Variants in MAPK10 observed in about 807,000 individuals in gnomAD.
The protein encoded by MAPK10 is JNK3 alpha protein kinase.
Under a neutral mutation model 59.3 loss-of-function variants are expected in MAPK10, and 25 were observed. That is an observed-to-expected ratio of 0.42 (90% CI 0.31 to 0.59). The LOEUF (loss-of-function observed/expected upper bound fraction) is 0.59. Ranked by LOEUF, MAPK10 falls within the 20% of genes least tolerant of loss-of-function variation. The pLI is 0.15. For missense variants in MAPK10, 351 were observed against 568.9 expected, an observed-to-expected ratio of 0.62 and a Z score of 3.90; for synonymous variants, 190 against 200.5, an observed-to-expected ratio of 0.95 and a Z score of 0.44.
chr4:86,312,334 C>A (rs901068219), intron 2 of MAPK10, among the ~76,000 whole-genome samples: 1 of 152,070 alleles, frequency 6.6e-6, no homozygotes, highest in Admixed American at 6.6e-5. Context: ...TTCTTGGACT[C>A]TATATACCAT....
chr4:86,540,859 T>C (rs1758632213), intron 1 of MAPK10, among the ~76,000 whole-genome samples: 1 of 151,874 alleles, frequency 6.6e-6, no homozygotes, highest in African/African-American at 2.4e-5. Context: ...TCCCAGCACT[T>C]TGCGAGGCTG....
chr4:86,496,915 T>G (rs1754914818), intron 1 of MAPK10, among the ~76,000 whole-genome samples: 2 of 152,168 alleles, frequency 1.3e-5, no homozygotes, highest in Non-Finnish European at 2.9e-5. Flanking sequence ...TGCAAATAAT[T>G]AGCTAAAATG....
chr4:86,184,068 A>C (rs1219998210), intron 3 of MAPK10, among the ~76,000 whole-genome samples: 2 of 151,994 alleles, frequency 1.3e-5, no homozygotes, highest in Non-Finnish European at 2.9e-5. Context: ...AGATTGCAAA[A>C]ATTTTCTCCC....
At chr4:86,173,672 CTA>C (rs201948652) in intron 3 of MAPK10, among the ~76,000 whole-genome samples, 2,932 of 152,154 alleles carry the variant, frequency 0.019, 45 homozygotes, top group South Asian at 0.065. Context: ...GCAAAAGAAA[CTA>C]TCATCAAAAT....
At chr4:86,345,948 C>G in intron 2 of MAPK10, among the ~76,000 whole-genome samples, 1 of 152,188 alleles carries the variant, frequency 6.6e-6, no homozygotes, top group East Asian at 1.9e-4. Context: ...CATAACATTT[C>G]TGTTTGAATA....
At chr4:86,328,099 T>C (rs982453604) in intron 2 of MAPK10, among the ~76,000 whole-genome samples, 2 of 152,210 alleles carry the variant, frequency 1.3e-5, no homozygotes, top group Non-Finnish European at 2.9e-5. Flanking sequence ...GAGGACTCTT[T>C]CCTCATGAAG....
At chr4:86,537,549 T>C (rs967047004) in intron 1 of MAPK10, among the ~76,000 whole-genome samples, 5 of 152,180 alleles carry the variant, frequency 3.3e-5, no homozygotes, top group African/African-American at 1.2e-4. Context: ...CAAATGAGCA[T>C]GAAAAATCTG....
chr4:86,084,304 A>G (rs2051295147), intron 9 of MAPK10, among the ~76,000 whole-genome samples: 1 of 152,230 alleles, frequency 6.6e-6, no homozygotes, highest in Non-Finnish European at 1.5e-5. Flanking sequence ...CTTGGAAAAG[A>G]AGAAGTCAAG....
chr4:86,547,906 T>C (rs1759371025), intron 1 of MAPK10, among the ~76,000 whole-genome samples: 1 of 152,146 alleles, frequency 6.6e-6, no homozygotes, highest in African/African-American at 2.4e-5. Flanking sequence ...TATGTCTAGC[T>C]CAGGGATTGT....
At chr4:86,529,461 A>G (rs1757708266) in intron 1 of MAPK10, among the ~76,000 whole-genome samples, 1 of 152,042 alleles carries the variant, frequency 6.6e-6, no homozygotes, top group African/African-American at 2.4e-5. Context: ...ACTGCATTCT[A>G]TTTTCTCACA....
chr4:86,485,537 G>A (rs1248122806), intron 1 of MAPK10, among the ~76,000 whole-genome samples: 1 of 152,156 alleles, frequency 6.6e-6, no homozygotes, highest in Middle Eastern at 3.2e-3. Context: ...GAATGAATAT[G>A]CAAATAGTTA....
chr4:86,480,668 A>T (rs1259716192), intron 1 of MAPK10, among the ~76,000 whole-genome samples: 1 of 152,200 alleles, frequency 6.6e-6, no homozygotes, highest in Non-Finnish European at 1.5e-5. Context: ...CCCCTGCTGG[A>T]GTTCAATTTA....
intron 10 of MAPK10, among the ~76,000 whole-genome samples, chr4:86,066,425 C>T (rs1440497285): frequency 6.6e-6 from 1 of 152,098 alleles, no homozygotes; most frequent in Non-Finnish European, 1.5e-5. Context: ...GTACCATTCT[C>T]ATAAGATTCT....
chr4:86,354,670 G>C, intron 1 of MAPK10, 26 bp from the exon 2 acceptor site: 3 of 926,254 alleles, frequency 3.2e-6, no homozygotes, highest in Non-Finnish European at 4.2e-6. Flanking sequence ...AAAAACAGAT[G>C]AGTTTGATTT....
chr4:86,091,764 C>T (rs1041080767), intron 9 of MAPK10, among the ~76,000 whole-genome samples: 3 of 151,850 alleles, frequency 2.0e-5, no homozygotes, highest in African/African-American at 7.3e-5. Context: ...ACCTCTGCCC[C>T]CTGGGTTCAA....
At chr4:86,337,344 C>T (rs1212973191) in intron 2 of MAPK10, among the ~76,000 whole-genome samples, 1 of 152,070 alleles carries the variant, frequency 6.6e-6, no homozygotes, top group Non-Finnish European at 1.5e-5. Flanking sequence ...TTGGTGGTCA[C>T]CTTGATCAAT....
chr4:86,103,117 G>GTGTGTGTGGT (rs1553989212), intron 6 of MAPK10, 69 bp downstream of exon 6: 1 of 741,686 alleles, frequency 1.3e-6, no homozygotes, highest in Non-Finnish European at 2.4e-6. Flanking sequence ...GTGTGTGTGT[G>GTGTGTGTGGT]GTGTGTGATT....
intron 9 of MAPK10, among the ~76,000 whole-genome samples, chr4:86,085,418 C>T (rs556824489): frequency 6.6e-5 from 10 of 151,820 alleles, no homozygotes; most frequent in Admixed American, 1.3e-4. Flanking sequence ...TCTAATAATC[C>T]GATTAAAAAT....
intron 3 of MAPK10, among the ~76,000 whole-genome samples, chr4:86,182,333 G>T (rs1175056296): frequency 6.6e-6 from 1 of 152,058 alleles, no homozygotes; most frequent in Non-Finnish European, 1.5e-5. Context: ...ATACTATTCA[G>T]CAATTTCATT....
Sources: gnomAD v4.1 joint callset for allele counts (sites outside exome capture counted in the v4.1 genomes callset) on GRCh38, gnomAD v4.1.1 for gene constraint, MANE v1.5 for transcripts, NCBI Gene and HGNC (gene_info 2026-07-23, HGNC 2026-07-21) for gene names.